Variants in AUH observed in about 807,000 individuals in gnomAD.
The protein encoded by AUH is methylglutaconyl-CoA hydratase, mitochondrial.
A neutral mutation model predicts 42.3 loss-of-function variants in AUH; 29 were observed. That is an observed-to-expected ratio of 0.69 (90% CI 0.51 to 0.93). AUH has a LOEUF of 0.93. Ranked by LOEUF, AUH falls within the 40% of genes least tolerant of loss-of-function variation. The probability of loss-of-function intolerance (pLI) is 0.00; values close to 1 mark genes in which losing one functional copy is unlikely to be tolerated. For synonymous variants in AUH, 174 were observed against 166.4 expected, an observed-to-expected ratio of 1.05 and a Z score of -0.35; for missense variants, 452 against 438.1, an observed-to-expected ratio of 1.03 and a Z score of -0.28.
chr9:91,294,166 C>T (rs989788770), intron 6 of AUH, among the ~76,000 whole-genome samples: 2 of 152,208 alleles, frequency 1.3e-5, no homozygotes, highest in African/African-American at 4.8e-5. Flanking sequence ...CAGAGACAGA[C>T]AAGGAGATGA....
At chr9:91,337,454 G>A (rs1264582692) in intron 3 of AUH, among the ~76,000 whole-genome samples, 1 of 152,158 alleles carries the variant, frequency 6.6e-6, no homozygotes, top group African/African-American at 2.4e-5. Flanking sequence ...AGTGGACTAT[G>A]GTTAGTTTGA....
intron 6 of AUH, among the ~76,000 whole-genome samples, chr9:91,240,865 C>A (rs531515405): frequency 6.6e-6 from 1 of 152,036 alleles, no homozygotes; most frequent in South Asian, 2.1e-4. Context: ...TTTCAACATG[C>A]CCAATGTCTT....
rs79123117 is a variant in AUH at position 91,242,301 on chromosome 9, T to C, written c.656-21309A>G. On this transcript the variant is annotated intron_variant, in intron 6 of 9. Transcript: ENST00000375731. ...AGGCTGCCTACCATGAGGACAAAGATTGATCAAGCAGCACACACTGTAAGG... is the reference window on the plus strand; with the variant it reads ...AGGCTGCCTACCATGAGGACAAAGACTGATCAAGCAGCACACACTGTAAGG... Among the ~76,000 whole-genome samples the C allele has an allele frequency of 4.2e-4, 64 of 152,314 alleles. 1 individual carries two copies. The East Asian group carries it at 0.011, about 25-fold the overall frequency.
At chr9:91,321,190 T>C in intron 4 of AUH, among the ~76,000 whole-genome samples, 1 of 152,218 alleles carries the variant, frequency 6.6e-6, no homozygotes, top group Admixed American at 6.5e-5. Context: ...TGGCTATTTT[T>C]AACAATATTC....
chr9:91,273,973 C>A lies in AUH; in HGVS notation c.655+22048G>T, dbSNP rs190732585. Among the ~76,000 whole-genome samples, 19 of 152,344 alleles carry A rather than the reference C, an allele frequency of 1.2e-4. No homozygotes were observed. The East Asian group carries it at 3.1e-3, about 25-fold the overall frequency. ...TATATTTGAATTTAAGAAAGACAATCTGTTCTTTTGAGTCTAAGGATTAAA... is the reference window on the plus strand; with the variant it reads ...TATATTTGAATTTAAGAAAGACAATATGTTCTTTTGAGTCTAAGGATTAAA... On this transcript the variant is annotated intron_variant, in intron 6 of 9. Coordinates refer to ENST00000375731, the MANE Select transcript of AUH (RefSeq NM_001698.3).
intron 3 of AUH, among the ~76,000 whole-genome samples, chr9:91,346,336 A>G (rs960221790): frequency 2.6e-5 from 4 of 152,138 alleles, no homozygotes; most frequent in African/African-American, 7.2e-5. Context: ...AGGCCTCCAT[A>G]AAAAATCCCT....
intron 6 of AUH, among the ~76,000 whole-genome samples, chr9:91,265,749 C>T (rs1242987512): frequency 2.0e-5 from 3 of 152,242 alleles, no homozygotes; most frequent in South Asian, 2.1e-4. Flanking sequence ...TTCTGAATTT[C>T]GTCTCATGTC....
chr9:91,224,082 C>T (rs1554689983), intron 6 of AUH, among the ~76,000 whole-genome samples: 1 of 152,170 alleles, frequency 6.6e-6, no homozygotes, highest in African/African-American at 2.4e-5. Context: ...TCAGCAGCAG[C>T]AGCCGATTAA....
chr9:91,306,351 C>T (rs1828219812), intron 4 of AUH: 1 of 985,142 alleles, frequency 1.0e-6, no homozygotes, highest in South Asian at 4.7e-5. Flanking sequence ...GTGATGACTT[C>T]TGTTGATTGC....
At chr9:91,254,729 A>G (rs1297757262) in intron 6 of AUH, among the ~76,000 whole-genome samples, 1 of 152,244 alleles carries the variant, frequency 6.6e-6, no homozygotes, top group Non-Finnish European at 1.5e-5. Context: ...ACATCAATGC[A>G]ACAATATGTT....
chr9:91,352,630 T>C (rs750098773), intron 3 of AUH, among the ~76,000 whole-genome samples: 30 of 152,154 alleles, frequency 2.0e-4, no homozygotes, highest in Non-Finnish European at 4.3e-4. Flanking sequence ...TCCAATGCAA[T>C]GTAGGAATCT....
intron 1 of AUH, among the ~76,000 whole-genome samples, chr9:91,357,676 T>C (rs909361747): frequency 1.3e-5 from 2 of 152,294 alleles, no homozygotes; most frequent in South Asian, 4.1e-4. Context: ...TAGGGAAAGC[T>C]TACCCCAGAC....
intron 4 of AUH, among the ~76,000 whole-genome samples, chr9:91,305,613 C>A (rs1035053336): frequency 4.0e-5 from 6 of 151,554 alleles, no homozygotes; most frequent in African/African-American, 1.5e-4. Flanking sequence ...CCCCACCTGC[C>A]TTCCTACCTT....
chr9:91,310,699 C>A (rs1210552819), intron 4 of AUH, among the ~76,000 whole-genome samples: 1 of 152,322 alleles, frequency 6.6e-6, no homozygotes, highest in East Asian at 1.9e-4. Flanking sequence ...GATCTTGTGA[C>A]CTCCTAAGAG....
intron 3 of AUH, among the ~76,000 whole-genome samples, chr9:91,345,019 A>C (rs1256838195): frequency 1.3e-5 from 2 of 152,086 alleles, no homozygotes; most frequent in East Asian, 3.8e-4. Flanking sequence ...GAAAAAAAAA[A>C]AATGCCTCAG....
At chr9:91,261,357 T>C (rs1829698786) in intron 6 of AUH, among the ~76,000 whole-genome samples, 1 of 152,208 alleles carries the variant, frequency 6.6e-6, no homozygotes, top group Non-Finnish European at 1.5e-5. Context: ...AGTATGGCCC[T>C]ACCAAAGCAT....
chr9:91,332,109 A>C (rs540836469), intron 3 of AUH, among the ~76,000 whole-genome samples: 1 of 152,242 alleles, frequency 6.6e-6, no homozygotes, highest in Non-Finnish European at 1.5e-5. Flanking sequence ...ATGAACACTC[A>C]CATTTTTAAA....
At chr9:91,347,897 C>T (rs917872380) in intron 3 of AUH, among the ~76,000 whole-genome samples, 2 of 151,356 alleles carry the variant, frequency 1.3e-5, no homozygotes, top group African/African-American at 4.8e-5. Flanking sequence ...GCACACGTAC[C>T]CTAGAACTTA....
At chr9:91,270,703 T>C (rs1313978097) in intron 6 of AUH, among the ~76,000 whole-genome samples, 2 of 152,044 alleles carry the variant, frequency 1.3e-5, no homozygotes, top group Non-Finnish European at 2.9e-5. Context: ...GTATTTGACC[T>C]ACCCGGTGCC....
Sources: allele counts gnomAD v4.1 joint callset (sites outside exome capture counted in the v4.1 genomes callset), GRCh38; gene constraint gnomAD v4.1.1; transcripts MANE v1.5; gene names NCBI Gene and HGNC (gene_info 2026-07-23, HGNC 2026-07-21).